Variants in MLLT10 observed in about 807,000 individuals in gnomAD.
MLLT10 encodes the protein protein AF-10.
A neutral mutation model predicts 129.1 loss-of-function variants in MLLT10; 30 were observed. The ratio of observed to expected loss-of-function variants is 0.23; its 90% CI spans 0.17 to 0.32. The LOEUF (loss-of-function observed/expected upper bound fraction) is 0.32, where lower values mean the gene tolerates loss of function less well. Ranked by LOEUF, MLLT10 falls within the 10% of genes least tolerant of loss-of-function variation. The pLI is 1.00. For missense variants in MLLT10, 1,119 were observed against 1,268.3 expected (o/e 0.88, Z 1.79); for synonymous variants, 490 against 446.4 (o/e 1.10, Z -1.23).
rs1465451429 is a variant in MLLT10, at chr10:21,534,713, A to T, written c.69A>T (p.Gly23=). The change falls in exon 2 of 23, where the codon GGA becomes GGT. Residue 23 remains glycine, a synonymous_variant. Coordinates refer to ENST00000307729, the MANE Select transcript of MLLT10 (RefSeq NM_001195626.3). ...CCCATAGTATGAAGGAGATGATTGG[A>T]GGCTGTTGCGTTTGCTCAGACGAGA... ...EVSHSMKEMI[G]GCCVCSDERG... The T allele has an allele frequency of 6.2e-7, 1 of 1,613,392 alleles. No individual in the cohort carries two copies.
intron 14 of MLLT10, among the ~76,000 whole-genome samples, chr10:21,715,524 A>G (rs538629506): frequency 3.3e-5 from 5 of 152,224 alleles, no homozygotes; most frequent in Non-Finnish European, 4.4e-5. Flanking sequence ...GTGCAACCAT[A>G]TGCTGTTGAT....
At chr10:21,572,763 C>T (rs936354758) in intron 3 of MLLT10, among the ~76,000 whole-genome samples, 2 of 151,988 alleles carry the variant, frequency 1.3e-5, no homozygotes, top group African/African-American at 4.8e-5. Context: ...CAGGCATGTA[C>T]CACTAAGCAC....
At chr10:21,708,760 T>C in intron 13 of MLLT10, 1 of 985,030 alleles carries the variant, frequency 1.0e-6, no homozygotes, top group South Asian at 4.7e-5. Context: ...CAAGATGTTT[T>C]ACTGCATGTT....
At chr10:21,694,556 T>G (rs997231098) in intron 13 of MLLT10, among the ~76,000 whole-genome samples, 2 of 152,206 alleles carry the variant, frequency 1.3e-5, no homozygotes, top group Non-Finnish European at 2.9e-5. Flanking sequence ...AGGATTCCTG[T>G]GGGCTATAAT....
At chr10:21,539,324 C>T (rs1369882445) in intron 3 of MLLT10, among the ~76,000 whole-genome samples, 2 of 151,808 alleles carry the variant, frequency 1.3e-5, no homozygotes, top group Non-Finnish European at 2.9e-5. Flanking sequence ...TATCATATTC[C>T]TTTTACTACA....
In MLLT10 at chr10:21,740,016, G is replaced by T. The variant is rs575592865; in HGVS notation, c.2956-14G>T. On this transcript the variant is annotated splice_polypyrimidine_tract_variant and intron_variant, in intron 21 of 22. Coordinates refer to ENST00000307729, the MANE Select transcript of MLLT10 (RefSeq NM_001195626.3). ...CTTGGGAACTCATTTTCTCTCACAT[G>T]TTTTTTGCCTAAGGAACAACATCAA... 1 of 1,577,624 alleles carries T rather than the reference G, an allele frequency of 6.3e-7. No homozygotes were observed. The highest frequency in any genetic ancestry group is 1.3e-5 in the African/African-American group (1 of 74,252).
chr10:21,676,011 C>T (rs377219965), intron 11 of MLLT10, among the ~76,000 whole-genome samples: 266 of 152,268 alleles, frequency 1.7e-3, no homozygotes, highest in African/African-American at 6.1e-3. Flanking sequence ...GAATTCGTTT[C>T]TCTTACCTTA....
intron 13 of MLLT10, among the ~76,000 whole-genome samples, chr10:21,700,313 G>C (rs2054789395): frequency 6.6e-6 from 1 of 152,092 alleles, no homozygotes; most frequent in Non-Finnish European, 1.5e-5. Flanking sequence ...AATCTGCAAA[G>C]TAATGAATTT....
intron 13 of MLLT10, among the ~76,000 whole-genome samples, chr10:21,692,460 G>A (rs1444743397): frequency 1.3e-5 from 2 of 150,036 alleles, no homozygotes; most frequent in East Asian, 2.0e-4. Flanking sequence ...ATGAACCACC[G>A]CGCCTGGCCT....
At chr10:21,539,083 G>C (rs2034609011) in intron 3 of MLLT10, 171 bp downstream of exon 3, 1 of 493,878 alleles carries the variant, frequency 2.0e-6, no homozygotes, top group Non-Finnish European at 3.6e-6. Context: ...TTGTAAAACT[G>C]AAAAACAAAT....
chr10:21,605,842 T>C lies in MLLT10; in HGVS notation c.406-6506T>C, dbSNP rs2044007774. On this transcript the variant is annotated intron_variant, in intron 5 of 22. Transcript: ENST00000307729. Reference sequence around the variant, plus strand: ...TAGACTGTACTTAATTTTAGTAAGATGTATAAGCATATCTTTTTTTTCTTA... The same window carrying C: ...TAGACTGTACTTAATTTTAGTAAGACGTATAAGCATATCTTTTTTTTCTTA... Among the ~76,000 whole-genome samples the C allele has an allele frequency of 2.6e-5, 4 of 152,250 alleles. No individual in the cohort carries two copies. The South Asian group carries it at 8.3e-4, about 32-fold the overall frequency.
intron 8 of MLLT10, among the ~76,000 whole-genome samples, chr10:21,622,229 C>T (rs1167171588): frequency 4.2e-5 from 6 of 143,318 alleles, no homozygotes; most frequent in Non-Finnish European, 7.5e-5. Context: ...ACCACCATAG[C>T]TCACTGCAGC....
At chr10:21,580,933 C>T (rs532165058) in intron 3 of MLLT10, among the ~76,000 whole-genome samples, 15 of 143,236 alleles carry the variant, frequency 1.0e-4, no homozygotes, top group Admixed American at 3.7e-4. Flanking sequence ...AGGCTGGTCT[C>T]GAACTCCTGA....
intron 9 of MLLT10, among the ~76,000 whole-genome samples, chr10:21,661,019 A>G (rs1480653728): frequency 1.7e-4 from 26 of 152,080 alleles, no homozygotes; most frequent in Admixed American, 1.6e-3. Context: ...CATATATTTT[A>G]AAATTTCTCT....
chr10:21,635,547 G>T (rs2047375894), intron 8 of MLLT10, among the ~76,000 whole-genome samples: 1 of 151,956 alleles, frequency 6.6e-6, no homozygotes, highest in Non-Finnish European at 1.5e-5. Flanking sequence ...TGTAGTTTTA[G>T]TAGAGACTGT....
At chr10:21,620,342 AAC>A in intron 8 of MLLT10, among the ~76,000 whole-genome samples, 1 of 152,312 alleles carries the variant, frequency 6.6e-6, no homozygotes, top group Non-Finnish European at 1.5e-5. Context: ...GTATTTTTAA[AAC>A]AGACAGTTCC....
rs1364797640 is a variant in MLLT10 at position 21,721,295 on chromosome 10, G to T, written c.1879-4949G>T. Among the ~76,000 whole-genome samples the T allele has an allele frequency of 1.1e-4, 16 of 152,184 alleles. No individual in the cohort carries two copies. In the East Asian group the frequency reaches 3.1e-3, roughly 29 times the overall value. ...TAGATGATACATTGCTGTTAATACA[G>T]TGCTTTCCAAAGGTGAAATATTTTC... On this transcript the variant is annotated intron_variant, in intron 14 of 22. Coordinates refer to ENST00000307729, the MANE Select transcript of MLLT10 (RefSeq NM_001195626.3).
chr10:21,580,868 ATTTTTTTT>A (rs71393910), intron 3 of MLLT10, among the ~76,000 whole-genome samples: 1 of 73,298 alleles, frequency 1.4e-5, no homozygotes, highest in Non-Finnish European at 2.6e-5. Context: ...CGCCCAGCTC[ATTTTTTTT>A]TTTTTTTTTT....
At chr10:21,669,244 TG>T (rs1334548131) in intron 9 of MLLT10, among the ~76,000 whole-genome samples, 11 of 152,104 alleles carry the variant, frequency 7.2e-5, no homozygotes, top group African/African-American at 1.2e-4. Flanking sequence ...ACTGAGATGA[TG>T]GGGGCTGGGG....
Sources: gnomAD v4.1 joint callset for allele counts (sites outside exome capture counted in the v4.1 genomes callset) on GRCh38, gnomAD v4.1.1 for gene constraint, MANE v1.5 for transcripts, NCBI Gene and HGNC (gene_info 2026-07-23, HGNC 2026-07-21) for gene names.